MMP26: variants seen among roughly 807,000 people sequenced by gnomAD.
MMP26 encodes matrix metalloproteinase-26.
Under a neutral mutation model 31.0 loss-of-function variants are expected in MMP26, and 33 were observed. The ratio of observed to expected loss-of-function variants is 1.06; its 90% CI spans 0.81 to 1.42. MMP26 has a LOEUF of 1.42. Among genes scored for constraint, MMP26 ranks in the 40% most tolerant of loss-of-function variants. MMP26 has a pLI of 0.00. For synonymous variants in MMP26, 122 were observed against 114.9 expected (o/e 1.06, Z -0.40); for missense variants, 347 against 316.1 (o/e 1.10, Z -0.74).
intron 2 of MMP26, among the ~76,000 whole-genome samples, chr11:4,842,693 C>G (rs1407168015): frequency 6.6e-6 from 1 of 152,072 alleles, no homozygotes; most frequent in Non-Finnish European, 1.5e-5. Context: ...CCCCTTGACC[C>G]TCCAAAATCT....
chr11:4,759,111 C>CAAAAAAAAA (rs989730402), intron 1 of MMP26, among the ~76,000 whole-genome samples: 3 of 43,192 alleles, frequency 6.9e-5, no homozygotes, highest in Non-Finnish European at 9.3e-5. Context: ...CATTCCATCT[C>CAAAAAAAAA]AAAAAAAAAA....
intron 2 of MMP26, among the ~76,000 whole-genome samples, chr11:4,852,660 G>T (rs1211470135): frequency 6.6e-6 from 1 of 152,050 alleles, no homozygotes; most frequent in Non-Finnish European, 1.5e-5. Context: ...TAGTATAAAA[G>T]TTCTTCAAAA....
chr11:4,719,915 C>T (rs4301780), intron 1 of MMP26, among the ~76,000 whole-genome samples: 151,898 of 152,354 alleles, frequency 1, 75,738 homozygotes, highest in Middle Eastern at 1. Flanking sequence ...AAACTTCTCC[C>T]TTAAAGAGAT....
At chr11:4,717,526 G>T (rs866931398) in intron 1 of MMP26, among the ~76,000 whole-genome samples, 3,664 of 146,026 alleles carry the variant, frequency 0.025, 149 homozygotes, top group African/African-American at 0.083. Flanking sequence ...TTTCCATGTT[G>T]TTTTTTTTTT....
chr11:4,813,901 T>A (rs1333999982), intron 2 of MMP26, among the ~76,000 whole-genome samples: 1 of 152,010 alleles, frequency 6.6e-6, no homozygotes, highest in Non-Finnish European at 1.5e-5. Context: ...TCACAATGCA[T>A]ATATCTGACA....
chr11:4,838,448 G>A (rs1849751026), intron 2 of MMP26, among the ~76,000 whole-genome samples: 1 of 147,214 alleles, frequency 6.8e-6, no homozygotes, highest in South Asian at 2.1e-4. Context: ...GCCAGCAATC[G>A]TGACCTGGAG....
At chr11:4,872,438 A>G (rs894411858) in intron 2 of MMP26, among the ~76,000 whole-genome samples, 1 of 152,070 alleles carries the variant, frequency 6.6e-6, no homozygotes, top group Non-Finnish European at 1.5e-5. Context: ...CAAGGGGAGT[A>G]TGTGATTCTA....
chr11:4,748,589 A>C (rs1484235076), intron 1 of MMP26, among the ~76,000 whole-genome samples: 2 of 151,904 alleles, frequency 1.3e-5, no homozygotes, highest in Admixed American at 6.6e-5. Context: ...AAAAAAAAAA[A>C]AACACAACAA....
rs751458815 is a variant in MMP26 at position 4,923,501 on chromosome 11, T to C, written c.-144-64567T>C. ...AAGGGGTGGTACCAGCAGATACACATAGGACATGAAGAGGTGTACAACGCG... is the reference window on the plus strand; with the variant it reads ...AAGGGGTGGTACCAGCAGATACACACAGGACATGAAGAGGTGTACAACGCG... On this transcript the variant is annotated intron_variant, in intron 2 of 7. Transcript: ENST00000380390. 68 of 1,614,088 alleles carry C rather than the reference T, an allele frequency of 4.2e-5. No homozygotes were observed. In the East Asian group the frequency reaches 1.4e-3, roughly 33 times the overall value.
At chr11:4,982,338 A>G (rs1846825993) in intron 2 of MMP26, among the ~76,000 whole-genome samples, 1 of 152,170 alleles carries the variant, frequency 6.6e-6, no homozygotes. Context: ...GACAGCTACA[A>G]TGTCACTACA....
At chr11:4,990,516 C>G in intron 4 of MMP26, 82 bp from the exon 5 acceptor site, 2 of 1,351,322 alleles carry the variant, frequency 1.5e-6, no homozygotes, top group Non-Finnish European at 2.0e-6. Context: ...AATGATTCTC[C>G]CCAAAGTAGA....
intron 2 of MMP26, among the ~76,000 whole-genome samples, chr11:4,932,190 C>T (rs112906859): frequency 0.03 from 4,496 of 152,140 alleles, 96 homozygotes; most frequent in African/African-American, 0.053. Context: ...ATTCATAATT[C>T]GCAGTTTGTG....
chr11:4,804,714 G>A, intron 2 of MMP26: 1 of 392,284 alleles, frequency 2.5e-6, no homozygotes, highest in Non-Finnish European at 5.1e-6. Context: ...GGAGGCTGAG[G>A]CAGGCAGATT....
chr11:4,809,444 T>C (rs888287283), intron 2 of MMP26, among the ~76,000 whole-genome samples: 3 of 152,216 alleles, frequency 2.0e-5, no homozygotes, highest in African/African-American at 7.2e-5. Context: ...TAACACCCAC[T>C]GGCTCTGTTG....
At chr11:4,848,733 C>T (rs538018962) in intron 2 of MMP26, 5 of 1,613,888 alleles carry the variant, frequency 3.1e-6, no homozygotes, top group East Asian at 2.2e-5. Context: ...ACCCAGGCAT[C>T]GAAAAGAAAT....
chr11:4,934,321 C>T (rs1319121403), intron 2 of MMP26, among the ~76,000 whole-genome samples: 2 of 146,848 alleles, frequency 1.4e-5, no homozygotes, highest in Admixed American at 6.8e-5. Flanking sequence ...TCTCTGATGG[C>T]CAGTGATGAT....
chr11:4,905,948 AT>A (rs1435281512), intron 2 of MMP26, among the ~76,000 whole-genome samples: 2 of 152,062 alleles, frequency 1.3e-5, no homozygotes, highest in Non-Finnish European at 2.9e-5. Flanking sequence ...GGTGGTTTGG[AT>A]TTTTTTCATT....
At chr11:4,878,807 A>T (rs1277280097) in intron 2 of MMP26, among the ~76,000 whole-genome samples, 2 of 152,004 alleles carry the variant, frequency 1.3e-5, no homozygotes, top group Non-Finnish European at 2.9e-5. Flanking sequence ...GGTGGTGTTT[A>T]CTTATGCATC....
At chr11:4,813,898 G>A (rs966070327) in intron 2 of MMP26, among the ~76,000 whole-genome samples, 2 of 152,056 alleles carry the variant, frequency 1.3e-5, no homozygotes, top group Non-Finnish European at 2.9e-5. Flanking sequence ...CATTCACAAT[G>A]CATATATCTG....
Sources: gnomAD v4.1 joint callset for allele counts (sites outside exome capture counted in the v4.1 genomes callset) on GRCh38, gnomAD v4.1.1 for gene constraint, MANE v1.5 for transcripts, NCBI Gene and HGNC (gene_info 2026-07-23, HGNC 2026-07-21) for gene names.